The following ADARB2 variants were observed in gnomAD, a reference collection of about 807,000 sequenced individuals.
The protein encoded by ADARB2 is adenosine deaminase RNA specific B2 (inactive).
Under a neutral mutation model 62.2 loss-of-function variants are expected in ADARB2, and 25 were observed. The observed-to-expected ratio is 0.40, with a 90% CI of 0.29 to 0.56. ADARB2 has a LOEUF of 0.56. Ranked by LOEUF, ADARB2 falls within the 20% of genes least tolerant of loss-of-function variation. The pLI is 0.43. For synonymous variants in ADARB2, 572 were observed against 500.8 expected (o/e 1.14, Z -1.90); for missense variants, 1,071 against 1,077.4 (o/e 0.99, Z 0.08).
intron 3 of ADARB2, among the ~76,000 whole-genome samples, chr10:1,354,915 C>T (rs1328643331): frequency 6.6e-6 from 1 of 152,208 alleles, no homozygotes; most frequent in African/African-American, 2.4e-5. Flanking sequence ...GGAGCAAGAC[C>T]CTCTAGCCTC....
At chr10:1,310,263 G>A (rs1831676449) in intron 3 of ADARB2, among the ~76,000 whole-genome samples, 1 of 152,198 alleles carries the variant, frequency 6.6e-6, no homozygotes, top group Admixed American at 6.5e-5. Flanking sequence ...GCCTGGCACT[G>A]AGAGACACTC....
intron 1 of ADARB2, among the ~76,000 whole-genome samples, chr10:1,482,265 A>G (rs781042771): frequency 1.4e-4 from 22 of 152,250 alleles, no homozygotes; most frequent in Non-Finnish European, 2.4e-4. Context: ...TGGGGCTAGA[A>G]TGGATATTCA....
intron 1 of ADARB2, among the ~76,000 whole-genome samples, chr10:1,606,299 C>G (rs3849977): frequency 0.21 from 32,314 of 152,054 alleles, 3,592 homozygotes; most frequent in Non-Finnish European, 0.24. Context: ...AGCCCAGACT[C>G]TCTGAGCTGG....
At chr10:1,569,414 G>A (rs569816669) in intron 1 of ADARB2, among the ~76,000 whole-genome samples, 87 of 152,346 alleles carry the variant, frequency 5.7e-4, no homozygotes, top group African/African-American at 1.9e-3. Context: ...TGAGCAGCAG[G>A]AGGCATGTAG....
chr10:1,627,970 C>T (rs1254709825), intron 1 of ADARB2, among the ~76,000 whole-genome samples: 1 of 152,224 alleles, frequency 6.6e-6, no homozygotes, highest in African/African-American at 2.4e-5. Context: ...GACAGGTCTG[C>T]CCCGTCTGAA....
chr10:1,433,346 G>C (rs536830532), intron 1 of ADARB2, among the ~76,000 whole-genome samples: 1 of 152,268 alleles, frequency 6.6e-6, no homozygotes, highest in African/African-American at 2.4e-5. Flanking sequence ...AGCCTGCAGG[G>C]AGGACGTATG....
At chr10:1,402,065 C>T (rs763192868) in intron 1 of ADARB2, among the ~76,000 whole-genome samples, 6 of 152,176 alleles carry the variant, frequency 3.9e-5, no homozygotes, top group Non-Finnish European at 8.8e-5. Flanking sequence ...AACTTCTGTT[C>T]CACGAGACAG....
chr10:1,381,944 C>G (rs1413460844), intron 1 of ADARB2, among the ~76,000 whole-genome samples: 1 of 152,048 alleles, frequency 6.6e-6, no homozygotes, highest in Non-Finnish European at 1.5e-5. Context: ...GGGACTCTGG[C>G]TAATAACATG....
chr10:1,461,196 A>G (rs1319653916), intron 1 of ADARB2, among the ~76,000 whole-genome samples: 1 of 152,182 alleles, frequency 6.6e-6, no homozygotes, highest in East Asian at 1.9e-4. Flanking sequence ...TGCCATATCA[A>G]TGACATCATG....
At chr10:1,587,542 ATT>A (rs35071728) in intron 1 of ADARB2, among the ~76,000 whole-genome samples, 2 of 150,896 alleles carry the variant, frequency 1.3e-5, no homozygotes, top group Non-Finnish European at 3.0e-5. Flanking sequence ...TGTTGTTTTG[ATT>A]TTTTTTTTCA....
intron 1 of ADARB2, among the ~76,000 whole-genome samples, chr10:1,532,760 G>T (rs1486200691): frequency 1.3e-5 from 2 of 152,194 alleles, no homozygotes; most frequent in Non-Finnish European, 2.9e-5. Context: ...TCTCCCAGTG[G>T]GTCAATCGCA....
intron 1 of ADARB2, among the ~76,000 whole-genome samples, chr10:1,538,285 G>A (rs889055481): frequency 6.6e-5 from 10 of 152,218 alleles, no homozygotes; most frequent in Admixed American, 6.5e-4. Flanking sequence ...GGAGCCCGTG[G>A]GTCTGTGCCG....
rs200763657 is a variant in ADARB2 at position 1,369,751 on chromosome 10, C to T, written c.188-5834G>A. On this transcript the variant is annotated intron_variant, in intron 2 of 9. Transcript: ENST00000381312. ...TTTTCCGAGAGGGTGGGCATGGCCA[C>T]GCCCCTCCTGAGTCATCCCCTCTGT... Among the ~76,000 whole-genome samples the T allele has an allele frequency of 3.9e-5, 6 of 152,252 alleles. No homozygotes were observed. The East Asian group carries it at 5.8e-4, about 15-fold the overall frequency.
intron 3 of ADARB2, among the ~76,000 whole-genome samples, chr10:1,312,577 T>A (rs1589189112): frequency 6.6e-6 from 1 of 152,230 alleles, no homozygotes; most frequent in East Asian, 1.9e-4. Context: ...ATAATTTCAC[T>A]CCAGGTGCGG....
At chr10:1,242,388 T>G in intron 4 of ADARB2, 89 bp from the exon 5 acceptor site, 50 of 1,426,818 alleles carry the variant, frequency 3.5e-5, no homozygotes, top group Non-Finnish European at 4.3e-5. Context: ...AACAGCGGTT[T>G]CCCTGGGTTA....
chr10:1,337,780 C>T (rs1275019796), intron 3 of ADARB2, among the ~76,000 whole-genome samples: 5 of 152,112 alleles, frequency 3.3e-5, no homozygotes, highest in Admixed American at 3.3e-4. Flanking sequence ...ATTTCAAATA[C>T]CAGGAGAAAA....
At chr10:1,389,748 A>AAAATAAATAAAT (rs141695100) in intron 1 of ADARB2, among the ~76,000 whole-genome samples, 149 of 146,472 alleles carry the variant, frequency 1.0e-3, no homozygotes, top group African/African-American at 3.2e-3. Context: ...CTCTGACTCA[A>AAAATAAATAAAT]AAATAAATAA....
At chr10:1,592,444 A>T (rs10219101) in intron 1 of ADARB2, among the ~76,000 whole-genome samples, 139 of 4,630 alleles carry the variant, frequency 0.03, 35 homozygotes, top group African/African-American at 0.078. Flanking sequence ...TCACCCAGCT[A>T]CCCTCGCCCA....
At chr10:1,241,266 AAG>A (rs1322460525) in intron 5 of ADARB2, among the ~76,000 whole-genome samples, 3 of 152,148 alleles carry the variant, frequency 2.0e-5, no homozygotes, top group African/African-American at 7.2e-5. Context: ...CTCAAAAAAA[AAG>A]AATGAGCTGA....
Sources: allele counts gnomAD v4.1 joint callset (sites outside exome capture counted in the v4.1 genomes callset), GRCh38; gene constraint gnomAD v4.1.1; transcripts MANE v1.5; gene names NCBI Gene and HGNC (gene_info 2026-07-23, HGNC 2026-07-21).